Variants in TRABD2B observed in about 807,000 individuals in gnomAD.
The protein encoded by TRABD2B is metalloprotease TIKI2.
A neutral mutation model predicts 40.1 loss-of-function variants in TRABD2B; 14 were observed. That is an observed-to-expected ratio of 0.35 (90% CI 0.23 to 0.55). The LOEUF is 0.55. Among genes scored for constraint, TRABD2B ranks in the 20% least tolerant of loss-of-function variants. The pLI, the probability that TRABD2B is intolerant of heterozygous loss-of-function variation, is 0.90. For missense variants in TRABD2B, 541 were observed against 648.6 expected (o/e 0.83, Z 1.80); for synonymous variants, 263 against 277.0 (o/e 0.95, Z 0.50).
intron 2 of TRABD2B, among the ~76,000 whole-genome samples, chr1:47,854,954 C>G (rs1265790659): frequency 6.6e-6 from 1 of 152,162 alleles, no homozygotes; most frequent in African/African-American, 2.4e-5. Context: ...CTGCTTACCA[C>G]CTCTGAGCCT....
chr1:47,849,868 C>T (rs376446806), intron 2 of TRABD2B, among the ~76,000 whole-genome samples: 4 of 152,244 alleles, frequency 2.6e-5, no homozygotes, highest in Admixed American at 1.3e-4. Context: ...TCCCCACCCA[C>T]TGCAGCCCAA....
Position 47,957,974 on chromosome 1 carries a change from C to G in TRABD2B, c.666+36060G>C, listed in dbSNP as rs570703948. The stretch of plus-strand genomic sequence containing the variant: ...CAGCCAGAGAGAAAGGTCGGGTTAC[C>G]CACAAAGGGAAGCCCATCAGACTAA... On this transcript the variant is annotated intron_variant, in intron 2 of 6. Coordinates refer to ENST00000606738, the MANE Select transcript of TRABD2B (RefSeq NM_001194986.2). 2.3e-3 allele frequency among the ~76,000 whole-genome samples: 356 copies of G among 152,292 alleles called. 1 individual carries two copies. The highest frequency in any genetic ancestry group is 3.2e-3 in the Non-Finnish European group (218 of 68,024).
intron 6 of TRABD2B, 77 bp from the exon 7 acceptor site, chr1:47,766,183 A>G: frequency 1.5e-6 from 1 of 682,778 alleles, no homozygotes; most frequent in Non-Finnish European, 2.7e-6. Context: ...CTCAGATCTG[A>G]TTTTTTCAGG....
chr1:47,801,836 C>T (rs1557578696), intron 2 of TRABD2B, among the ~76,000 whole-genome samples: 1 of 152,188 alleles, frequency 6.6e-6, no homozygotes, highest in Non-Finnish European at 1.5e-5. Flanking sequence ...CAGCCCTTTG[C>T]CCACACAGGT....
chr1:47,763,347 T>C lies in TRABD2B; in HGVS notation c.*2555A>G, dbSNP rs756654012. On this transcript the variant is annotated 3_prime_UTR_variant, in exon 7 of 7. Coordinates refer to ENST00000606738, the MANE Select transcript of TRABD2B (RefSeq NM_001194986.2). ...CTCCTGTAGGTACATGTCTACTCCA[T>C]CGGTTAGTCTAGCCATCTTTCTTTA... The C allele has an allele frequency of 1.3e-5, 2 of 152,228 alleles. No homozygotes were observed. Among genetic ancestry groups the C allele is most frequent in the Non-Finnish European group, 2.9e-5 (2 of 68,048 alleles). 9.4% of individuals were successfully genotyped at this position (152,228 alleles called of 1,614,324 possible).
At chr1:47,967,336 A>AACACACAC (rs56776440) in intron 2 of TRABD2B, among the ~76,000 whole-genome samples, 289 of 147,374 alleles carry the variant, frequency 2.0e-3, no homozygotes, top group African/African-American at 6.4e-3. Context: ...TAAGCAAGAA[A>AACACACAC]ACACACACAC....
intron 2 of TRABD2B, among the ~76,000 whole-genome samples, chr1:47,943,751 C>A (rs1645219284): frequency 8.6e-6 from 1 of 116,690 alleles, no homozygotes; most frequent in African/African-American, 3.3e-5. Flanking sequence ...TGAGATGCAT[C>A]CAGAAAACAC....
intron 2 of TRABD2B, among the ~76,000 whole-genome samples, chr1:47,976,901 TC>T (rs1645763598): frequency 6.6e-6 from 1 of 152,014 alleles, no homozygotes; most frequent in Non-Finnish European, 1.5e-5. Context: ...TTACCCAGTT[TC>T]CCCCAGTGGT....
intron 5 of TRABD2B, among the ~76,000 whole-genome samples, chr1:47,776,991 C>A (rs540440981): frequency 6.6e-6 from 1 of 152,196 alleles, no homozygotes; most frequent in Non-Finnish European, 1.5e-5. Flanking sequence ...TTCCCGCCCC[C>A]CTCCGCCCTG....
intron 2 of TRABD2B, among the ~76,000 whole-genome samples, chr1:47,964,949 C>T (rs1645576980): frequency 6.6e-6 from 1 of 151,956 alleles, no homozygotes; most frequent in Admixed American, 6.6e-5. Context: ...CAGATTTTTA[C>T]CTAACTCTTT....
chr1:47,935,715 T>A (rs1315457343), intron 2 of TRABD2B, among the ~76,000 whole-genome samples: 1 of 152,322 alleles, frequency 6.6e-6, no homozygotes, highest in Non-Finnish European at 1.5e-5. Flanking sequence ...TACTTTTAAA[T>A]ACCATATCTC....
At chr1:47,774,027 G>A (rs570299454) in intron 6 of TRABD2B, among the ~76,000 whole-genome samples, 2 of 152,260 alleles carry the variant, frequency 1.3e-5, no homozygotes, top group East Asian at 1.9e-4. Context: ...AACCCTCTCC[G>A]ACTCAGGCCT....
intron 2 of TRABD2B, among the ~76,000 whole-genome samples, chr1:47,808,622 C>T (rs964761930): frequency 6.6e-6 from 1 of 152,210 alleles, no homozygotes; most frequent in Admixed American, 6.5e-5. Context: ...GAAACCATCT[C>T]ACACCATAAT....
chr1:47,898,132 A>G (rs1026887217), intron 2 of TRABD2B, among the ~76,000 whole-genome samples: 2 of 152,196 alleles, frequency 1.3e-5, no homozygotes, highest in African/African-American at 4.8e-5. Context: ...CTAGGCATAA[A>G]AGGCATAAAA....
intron 2 of TRABD2B, among the ~76,000 whole-genome samples, chr1:47,934,797 T>C (rs1037751398): frequency 6.6e-6 from 1 of 152,116 alleles, no homozygotes; most frequent in Non-Finnish European, 1.5e-5. Context: ...ACAGGAGGCA[T>C]CTGGTGACCT....
intron 2 of TRABD2B, among the ~76,000 whole-genome samples, chr1:47,811,930 G>A (rs1644970714): frequency 6.6e-6 from 1 of 152,202 alleles, no homozygotes; most frequent in South Asian, 2.1e-4. Context: ...AACAGTCTAT[G>A]TTTCCAAATA....
In TRABD2B at chr1:47,991,291, G is replaced by T. The variant is rs77812597; in HGVS notation, c.666+2743C>A. Among the ~76,000 whole-genome samples, 524 of 152,246 alleles carry T rather than the reference G, an allele frequency of 3.4e-3. 3 individuals are homozygous for T. Among genetic ancestry groups the T allele is most frequent in the African/African-American group, 0.012 (482 of 41,522 alleles). ...AGTGGAAAAGCGTGTGGAGCCTCCT[G>T]CAGGGTGCCTGGCACGTGGAATTGA... On this transcript the variant is annotated intron_variant, in intron 2 of 6. Transcript: ENST00000606738.
chr1:47,893,236 C>CT (rs1410094860), intron 2 of TRABD2B, among the ~76,000 whole-genome samples: 1 of 151,316 alleles, frequency 6.6e-6, no homozygotes, highest in Admixed American at 6.6e-5. Context: ...TTTCAAATAT[C>CT]TAAAAAAAAA....
At chr1:47,966,143 C>T (rs1395282606) in intron 2 of TRABD2B, among the ~76,000 whole-genome samples, 6 of 152,158 alleles carry the variant, frequency 3.9e-5, no homozygotes, top group Admixed American at 3.9e-4. Context: ...GCATAGACAG[C>T]AGGGAGGTGG....
Sources: allele counts gnomAD v4.1 joint callset (sites outside exome capture counted in the v4.1 genomes callset), GRCh38; gene constraint gnomAD v4.1.1; transcripts MANE v1.5; gene names NCBI Gene and HGNC (gene_info 2026-07-23, HGNC 2026-07-21).